The following RBM33 variants were observed in gnomAD, a reference collection of about 807,000 sequenced individuals.
The protein encoded by RBM33 is RNA-binding protein 33.
In RBM33, 28 loss-of-function variants were observed where a neutral mutation model predicts 132.6. The ratio of observed to expected loss-of-function variants is 0.21; its 90% CI spans 0.16 to 0.29. The LOEUF is 0.29. RBM33 is among the 10% of genes least tolerant of loss of function. The probability of loss-of-function intolerance (pLI) is 1.00; values close to 1 mark genes in which losing one functional copy is unlikely to be tolerated. For missense variants in RBM33, 1,291 were observed against 1,518.5 expected, an observed-to-expected ratio of 0.85 and a Z score of 2.49; for synonymous variants, 634 against 593.0, an observed-to-expected ratio of 1.07 and a Z score of -1.01.
Position 155,777,016 on chromosome 7 carries a change from G to C in RBM33, c.*1975G>C, listed in dbSNP as rs967180661. ...CCTACCGACTTACTTTATCATTGAG[G>C]GCTTACTGATACAATGAAATGAGTT... On this transcript the variant is annotated 3_prime_UTR_variant, in exon 18 of 18. Coordinates refer to ENST00000401878, the MANE Select transcript of RBM33 (RefSeq NM_053043.3). 1.3e-5 allele frequency: 2 copies of C among 152,188 alleles called. No individual in the cohort carries two copies. The highest frequency in any genetic ancestry group is 4.8e-5 in the African/African-American group (2 of 41,360). The allele number at this position is 152,188 out of a possible 1,614,324, so 9.4% of individuals were successfully genotyped here.
At chr7:155,664,502 C>T (rs1290306786) in intron 1 of RBM33, among the ~76,000 whole-genome samples, 3 of 151,862 alleles carry the variant, frequency 2.0e-5, no homozygotes, top group Admixed American at 6.6e-5. Flanking sequence ...AACGCCTGAC[C>T]TCAAGCTGAT....
chr7:155,721,915 A>C (rs1221050603), intron 9 of RBM33, among the ~76,000 whole-genome samples: 1 of 152,216 alleles, frequency 6.6e-6, no homozygotes, highest in Non-Finnish European at 1.5e-5. Flanking sequence ...AAGTGTCTTA[A>C]GAAAAGGATC....
intron 2 of RBM33, among the ~76,000 whole-genome samples, chr7:155,667,931 C>T (rs555574056): frequency 5.3e-5 from 8 of 152,238 alleles, no homozygotes; most frequent in Admixed American, 5.2e-4. Flanking sequence ...CAGTTATCAG[C>T]ATATAGCCAA....
intron 3 of RBM33, among the ~76,000 whole-genome samples, chr7:155,674,199 AT>A (rs1278237139): frequency 6.6e-6 from 1 of 151,784 alleles, no homozygotes; most frequent in Admixed American, 6.6e-5. Flanking sequence ...ACTGAAATAC[AT>A]CCGTATAAGT....
intron 14 of RBM33, among the ~76,000 whole-genome samples, chr7:155,754,329 AC>A (rs1801778873): frequency 6.6e-6 from 1 of 152,206 alleles, no homozygotes; most frequent in South Asian, 2.1e-4. Context: ...TCAACAGCCT[AC>A]CCAGGTAGGA....
intron 8 of RBM33, among the ~76,000 whole-genome samples, chr7:155,714,502 T>G (rs988452748): frequency 6.6e-6 from 1 of 152,178 alleles, no homozygotes; most frequent in South Asian, 2.1e-4. Flanking sequence ...TTATTCAGAC[T>G]GGAGCTGAAC....
intron 9 of RBM33, among the ~76,000 whole-genome samples, chr7:155,737,195 G>A (rs1401326788): frequency 2.0e-5 from 3 of 152,182 alleles, no homozygotes; most frequent in Admixed American, 6.5e-5. Context: ...GGAGCTACTA[G>A]TGTGTACTAT....
At chr7:155,704,894 C>G (rs1484993429) in intron 6 of RBM33, among the ~76,000 whole-genome samples, 1 of 152,016 alleles carries the variant, frequency 6.6e-6, no homozygotes, top group Non-Finnish European at 1.5e-5. Context: ...GCTCACTGTT[C>G]AAGGGTTTAT....
In RBM33 at chr7:155,644,907, G is replaced by A; in HGVS notation, c.31G>A (p.Ala11Thr). ...GGCCGCCCTGGGAGCGAGCGGAGGA[G>A]CAGGCGCCGGAGGTACGTGAGGCAG... MAAALGASGG[A>T]GAGDDDFDQF... Residue 11 changes from alanine to threonine, a missense_variant, in exon 1 of 18, where the codon GCA (alanine) becomes ACA (threonine). Physicochemically the swap from Ala to Thr is moderately conservative, Grantham distance 58. Coordinates refer to ENST00000401878, the MANE Select transcript of RBM33 (RefSeq NM_053043.3). 1.3e-6 allele frequency: 2 copies of A among 1,500,106 alleles called. No homozygotes were observed. Among genetic ancestry groups the A allele is most frequent in the South Asian group, 2.5e-5 (2 of 80,548 alleles). The allele number at this position is 1,500,106 out of a possible 1,614,324, so 92.9% of individuals were successfully genotyped here.
At chr7:155,746,531 A>C (rs1801521988) in intron 14 of RBM33, 2 of 152,232 alleles carry the variant, frequency 1.3e-5, no homozygotes, top group Admixed American at 1.3e-4. Flanking sequence ...TTTCCACTGT[A>C]GTTTGGATAG....
chr7:155,673,940 G>GTTGTTGTTTGTTTTTGTTTTTTTT, intron 3 of RBM33, among the ~76,000 whole-genome samples: 8 of 54,214 alleles, frequency 1.5e-4, no homozygotes, highest in Non-Finnish European at 1.6e-4. Flanking sequence ...TTTAGGCTTA[G>GTTGTTGTTTGTTTTTGTTTTTTTT]TTTTTTTTTT....
chr7:155,739,957 C>G lies in RBM33; in HGVS notation c.1980C>G (p.His660Gln), dbSNP rs376619089. 2.6e-5 allele frequency: 41 copies of G among 1,560,156 alleles called. No homozygotes were observed. The highest frequency in any genetic ancestry group is 3.3e-5 in the Non-Finnish European group (38 of 1,151,582). Residue 660 changes from histidine (H) to glutamine (Q), a missense_variant, in exon 12 of 18, where the codon CAC becomes CAG. Physicochemically the swap from His to Gln is conservative, Grantham distance 24. This residue lies in a region of RBM33 where 841 missense variants were observed against 912.0 expected (regional missense o/e 0.92). Transcript: ENST00000401878. Reference protein sequence around the residue: ...MPMSQPQFRPHVQTAQPQASS... With the variant: ...MPMSQPQFRPQVQTAQPQASS... The stretch of plus-strand genomic sequence containing the variant: ...TGTCTCAGCCACAGTTCCGGCCTCA[C>G]GTACAGACCGCTCAGCCTCAGGCCA...
intron 6 of RBM33, among the ~76,000 whole-genome samples, chr7:155,702,932 C>T (rs1239338087): frequency 1.0e-4 from 7 of 66,958 alleles, no homozygotes; most frequent in African/African-American, 5.5e-4. Flanking sequence ...CAAATGGGGG[C>T]TTTCCCCAAC....
At chr7:155,752,621 T>C (rs1801718669) in intron 14 of RBM33, among the ~76,000 whole-genome samples, 1 of 152,198 alleles carries the variant, frequency 6.6e-6, no homozygotes, top group Non-Finnish European at 1.5e-5. Context: ...AGTTGAGAGC[T>C]GGGCAGAAAC....
intron 14 of RBM33, among the ~76,000 whole-genome samples, chr7:155,754,609 C>G (rs535897870): frequency 6.6e-6 from 1 of 152,322 alleles, no homozygotes; most frequent in East Asian, 1.9e-4. Flanking sequence ...ATGAGATCCC[C>G]TCAGAGGCTC....
At chr7:155,647,700 G>A (rs6980282) in intron 1 of RBM33, among the ~76,000 whole-genome samples, 96,707 of 152,070 alleles carry the variant, frequency 0.64, 31,830 homozygotes, top group South Asian at 0.76. Context: ...CAAGGATTAC[G>A]TGAGCCACCA....
chr7:155,762,967 C>T (rs1377984957), intron 14 of RBM33, among the ~76,000 whole-genome samples: 1 of 152,236 alleles, frequency 6.6e-6, no homozygotes, highest in African/African-American at 2.4e-5. Flanking sequence ...GGGAAAAAGA[C>T]TACTCAGTAC....
intron 7 of RBM33, among the ~76,000 whole-genome samples, chr7:155,707,570 C>T (rs988979116): frequency 1.3e-5 from 2 of 152,134 alleles, no homozygotes; most frequent in Non-Finnish European, 2.9e-5. Flanking sequence ...AGGAATAAAT[C>T]ATGTACCTGT....
At chr7:155,676,942 C>G (rs7796339) in intron 3 of RBM33, among the ~76,000 whole-genome samples, 1 of 152,090 alleles carries the variant, frequency 6.6e-6, no homozygotes, top group Non-Finnish European at 1.5e-5. Context: ...TGCTTGATGC[C>G]TTCTTGGCTC....
Sources: gnomAD v4.1 joint callset for allele counts (sites outside exome capture counted in the v4.1 genomes callset) on GRCh38, gnomAD v4.1.1 for gene constraint, gnomAD v4.1.1 regional missense constraint, MANE v1.5 for transcripts, NCBI Gene and HGNC (gene_info 2026-07-23, HGNC 2026-07-21) for gene names.